The following MOK variants were observed in gnomAD, a reference collection of about 807,000 sequenced individuals.
The protein encoded by MOK is MAPK/MAK/MRK overlapping kinase.
Under a neutral mutation model 54.2 loss-of-function variants are expected in MOK, and 59 were observed. The observed-to-expected ratio is 1.09, with a 90% CI of 0.88 to 1.35. The LOEUF is 1.35. MOK is among the 40% of genes most tolerant of loss of function. The pLI, the probability that MOK is intolerant of heterozygous loss-of-function variation, is 0.00. For synonymous variants in MOK, 210 were observed against 202.7 expected (o/e 1.04, Z -0.31); for missense variants, 517 against 526.2 (o/e 0.98, Z 0.17).
At chr14:102,243,533 C>A (rs2065871978) in intron 7 of MOK, among the ~76,000 whole-genome samples, 1 of 152,166 alleles carries the variant, frequency 6.6e-6, no homozygotes, top group African/African-American at 2.4e-5. Context: ...AAACTATGCT[C>A]AACTCACTCT....
At chr14:102,287,394 G>A (rs548353172) in intron 1 of MOK, among the ~76,000 whole-genome samples, 21 of 152,306 alleles carry the variant, frequency 1.4e-4, no homozygotes, top group African/African-American at 4.8e-4. Context: ...ACGAGGTCAG[G>A]AGTTCAAGAC....
Position 102,261,469 on chromosome 14 carries a change from G to T in MOK, c.283+2077C>A, listed in dbSNP as rs1186933808. Among the ~76,000 whole-genome samples, 3 of 93,872 alleles carry T rather than the reference G, an allele frequency of 3.2e-5. No homozygotes were observed. The Admixed American group carries it at 4.5e-4, about 14-fold the overall frequency. 61.6% of individuals were successfully genotyped at this position (93,872 alleles called of 152,430 possible). On this transcript the variant is annotated intron_variant, in intron 4 of 11. Coordinates refer to ENST00000361847, the MANE Select transcript of MOK (RefSeq NM_014226.3). ...TATATATATATATATTCTAAACAAA[G>T]CTTTCTCAAGCGTCTAAACACACAG...
chr14:102,300,144 T>G (rs1434052655), intron 1 of MOK, among the ~76,000 whole-genome samples: 1 of 151,656 alleles, frequency 6.6e-6, no homozygotes, highest in Non-Finnish European at 1.5e-5. Flanking sequence ...GCCAGCATGG[T>G]GAAACCCGAT....
chr14:102,255,490 C>T (rs924774485), intron 4 of MOK, among the ~76,000 whole-genome samples: 1 of 152,082 alleles, frequency 6.6e-6, no homozygotes, highest in African/African-American at 2.4e-5. Flanking sequence ...TGGGTCTCCT[C>T]CTGGAAACTC....
At chr14:102,274,050 T>C (rs1048258193) in intron 2 of MOK, among the ~76,000 whole-genome samples, 1 of 151,518 alleles carries the variant, frequency 6.6e-6, no homozygotes, top group Admixed American at 6.6e-5. Context: ...CTCCACCTCC[T>C]GGGTTCACTC....
intron 2 of MOK, among the ~76,000 whole-genome samples, chr14:102,268,716 C>A (rs1019120552): frequency 6.6e-6 from 1 of 152,018 alleles, no homozygotes; most frequent in Non-Finnish European, 1.5e-5. Context: ...GAGATCGAGA[C>A]CATCCTGGCT....
intron 7 of MOK, among the ~76,000 whole-genome samples, chr14:102,247,091 C>T (rs1438759016): frequency 6.6e-6 from 1 of 152,158 alleles, no homozygotes; most frequent in African/African-American, 2.4e-5. Context: ...GCACCCGCCA[C>T]CTGCGACTGT....
Position 102,229,612 on chromosome 14 carries a change from G to T in MOK, c.1027C>A (p.Pro343Thr). Residue 343 changes from proline (P) to threonine (T), a missense_variant, in exon 11 of 12, where the codon CCG becomes ACG. Transcript: ENST00000361847. ...QEEDRPKRRG[P>T]AYVMELPKLK... The stretch of plus-strand genomic sequence containing the variant: ...TTGGGCAGTTCCATGACATAGGCCG[G>T]TCCTCGTCTCTTGGGACGGTCCTCC... 6.2e-7 allele frequency: 1 copy of T among 1,614,124 alleles called. No individual in the cohort carries two copies. The highest frequency in any genetic ancestry group is 8.5e-7 in the Non-Finnish European group (1 of 1,179,984).
chr14:102,232,411 A>G lies in MOK; in HGVS notation c.866+124T>C. The G allele has an allele frequency of 3.4e-6, 4 of 1,189,246 alleles. No individual in the cohort carries two copies. In the South Asian group the frequency reaches 4.9e-5, roughly 14 times the overall value. The allele number at this position is 1,189,246 out of a possible 1,614,324, so 73.7% of individuals were successfully genotyped here. A position where few individuals can be genotyped will look rare whatever the true frequency, so the allele number is the denominator to read the frequency against. ...CAAGAGGCCCTGACCACTCTTCAGG[A>G]TAGAGAGCGCGATTCCCAAGAACCA... On this transcript the variant is annotated intron_variant, in intron 9 of 11. Coordinates refer to ENST00000361847, the MANE Select transcript of MOK (RefSeq NM_014226.3). The surrounding 1 kb of genome is among the most constrained non-coding windows in gnomAD (Gnocchi z 5.1).
At position 102,249,570 on chromosome 14, in the gene MOK, G is replaced by A. The variant is rs1403910114; in HGVS notation, c.590+1242C>T. On this transcript the variant is annotated intron_variant, in intron 7 of 11. Transcript: ENST00000361847. The surrounding 1 kb of genome is among the most constrained non-coding windows in gnomAD (Gnocchi z 5.3). ...ACTAAAAATACAAAATTAGCCGGGC[G>A]TGGTGGTGCATGCCTGTAATCCCAG... Among the ~76,000 whole-genome samples, 1 of 152,150 alleles carries A rather than the reference G, an allele frequency of 6.6e-6. No individual in the cohort carries two copies. The highest frequency in any genetic ancestry group is 1.9e-4 in the East Asian group (1 of 5,198).
In MOK at chr14:102,250,264, G is replaced by A. The variant is rs2066420168; in HGVS notation, c.590+548C>T. 3.3e-5 allele frequency among the ~76,000 whole-genome samples: 5 copies of A among 152,084 alleles called. No individual in the cohort carries two copies. The South Asian group carries it at 1.0e-3, about 32-fold the overall frequency. On this transcript the variant is annotated intron_variant, in intron 7 of 11. Coordinates refer to ENST00000361847, the MANE Select transcript of MOK (RefSeq NM_014226.3). ...GCAAGAGGTGCAGCTCTCCACCCCT[G>A]TGCGCGTCTTCAACTCAACACCATT...
At chr14:102,290,782 A>G (rs1027375292) in intron 1 of MOK, among the ~76,000 whole-genome samples, 3 of 152,152 alleles carry the variant, frequency 2.0e-5, no homozygotes, top group Non-Finnish European at 4.4e-5. Context: ...AAGCAAATAA[A>G]TTTAGGAAAT....
At chr14:102,219,532 T>C (rs2063639725), downstream of MOK, among the ~76,000 whole-genome samples, 1 of 152,240 alleles carries the variant, frequency 6.6e-6, no homozygotes, top group South Asian at 2.1e-4. Flanking sequence ...GCTGGAGAAC[T>C]GGAGGCCGGG....
Position 102,297,085 on chromosome 14 carries a change from C to T in MOK, c.7+7877G>A, listed in dbSNP as rs192830562. On this transcript the variant is annotated intron_variant, in intron 1 of 11. Coordinates refer to ENST00000361847, the MANE Select transcript of MOK (RefSeq NM_014226.3). The stretch of plus-strand genomic sequence containing the variant: ...AAAATAATAATAAATAGGCTGGGCA[C>T]GGTGACTCACGCCTGTAATACCAGC... 1.7e-4 allele frequency among the ~76,000 whole-genome samples: 25 copies of T among 146,654 alleles called. No homozygotes were observed. In the East Asian group the frequency reaches 2.7e-3, roughly 16 times the overall value.
intron 1 of MOK, among the ~76,000 whole-genome samples, chr14:102,294,761 G>T (rs1364683860): frequency 6.6e-6 from 1 of 152,164 alleles, no homozygotes; most frequent in Non-Finnish European, 1.5e-5. Context: ...GATAAATTAA[G>T]CAGACTTGCT....
chr14:102,283,564 C>A lies in MOK; in HGVS notation c.36G>T (p.Glu12Asp). Residue 12 changes from glutamate to aspartate, a missense_variant, in exon 2 of 12, where the codon GAG becomes GAT. Glu to Asp is a conservative substitution (Grantham distance 45, BLOSUM62 2). Transcript: ENST00000361847. ...KNYKAIGKIGEGTFSEVMKMQ... is the reference protein window; with the variant it reads ...KNYKAIGKIGDGTFSEVMKMQ... The stretch of plus-strand genomic sequence containing the variant: ...TCTTCATAACTTCAGAAAACGTTCC[C>A]TCTCCTATTTTGCCAATTGCTTTAT... 6.2e-7 allele frequency: 1 copy of A among 1,613,272 alleles called. No individual in the cohort carries two copies. Among genetic ancestry groups the A allele is most frequent in the Non-Finnish European group, 8.5e-7 (1 of 1,179,636 alleles).
intron 6 of MOK, chr14:102,251,466 C>A: frequency 2.0e-6 from 1 of 495,612 alleles, no homozygotes; most frequent in Non-Finnish European, 3.9e-6. Flanking sequence ...CCTGCCTCTG[C>A]CACATTTCCC....
chr14:102,279,736 T>C lies in MOK; in HGVS notation c.122+3742A>G, dbSNP rs187373160. Among the ~76,000 whole-genome samples the C allele has an allele frequency of 2.4e-4, 37 of 151,442 alleles. 1 individual carries two copies. Among genetic ancestry groups the C allele is most frequent in the Non-Finnish European group, 4.9e-4 (33 of 68,008 alleles). On this transcript the variant is annotated intron_variant, in intron 2 of 11. Transcript: ENST00000361847. ...GGCAAGTAACTAACTTCCTTATCCC[T>C]AACTAAGTCCTTGAGTGACTCAAAA...
At chr14:102,300,576 G>A (rs967649238) in intron 1 of MOK, among the ~76,000 whole-genome samples, 9 of 152,132 alleles carry the variant, frequency 5.9e-5, no homozygotes, top group African/African-American at 2.2e-4. Context: ...GGAAAAAAGA[G>A]TGGTACTTTA....
Sources: allele counts gnomAD v4.1 joint callset (sites outside exome capture counted in the v4.1 genomes callset), GRCh38; gene constraint gnomAD v4.1.1; non-coding constraint Gnocchi (gnomAD v3.1); transcripts MANE v1.5; gene names NCBI Gene and HGNC (gene_info 2026-07-23, HGNC 2026-07-21).